Variants in RFT1 observed in about 807,000 individuals in gnomAD.
RFT1 encodes man(5)GlcNAc(2)-PP-dolichol translocation protein RFT1.
A neutral mutation model predicts 62.2 loss-of-function variants in RFT1; 43 were observed. That is an observed-to-expected ratio of 0.69 (90% CI 0.54 to 0.89). RFT1 has a LOEUF of 0.89. Ranked by LOEUF, RFT1 falls within the 40% of genes least tolerant of loss-of-function variation. RFT1 has a pLI of 0.00. For synonymous variants in RFT1, 262 were observed against 264.6 expected, an observed-to-expected ratio of 0.99 and a Z score of 0.10; for missense variants, 605 against 649.9, an observed-to-expected ratio of 0.93 and a Z score of 0.75.
intron 11 of RFT1, among the ~76,000 whole-genome samples, chr3:53,094,630 A>G (rs1021359881): frequency 7.2e-5 from 11 of 152,240 alleles, no homozygotes; most frequent in African/African-American, 2.4e-4. Context: ...AGCAGCAGAG[A>G]TATGTAACCT....
the RFT1 span, among the ~76,000 whole-genome samples, chr3:53,069,763 C>CAG: frequency 2.6e-5 from 4 of 152,204 alleles, no homozygotes; most frequent in African/African-American, 9.7e-5. Context: ...GAGAGCCTGG[C>CAG]AGAGACCTGC....
At chr3:53,077,966 T>G in the RFT1 span, 2 of 152,304 alleles carry the variant, frequency 1.3e-5, no homozygotes, top group Admixed American at 1.3e-4. Flanking sequence ...TCTGAACGGT[T>G]TGGCCCACTG....
intron 6 of RFT1, among the ~76,000 whole-genome samples, chr3:53,114,091 A>C (rs1394245962): frequency 6.6e-6 from 1 of 152,164 alleles, no homozygotes; most frequent in Non-Finnish European, 1.5e-5. Context: ...AGAGCACCAG[A>C]CAACTTCCTA....
At chr3:53,112,059 G>A (rs947490093) in intron 6 of RFT1, 151 bp from the exon 7 acceptor site, 2 of 710,668 alleles carry the variant, frequency 2.8e-6, no homozygotes, top group African/African-American at 3.5e-5. Flanking sequence ...CACACAGAAG[G>A]CATCTCACAA....
chr3:53,081,159 A>G, the RFT1 span, among the ~76,000 whole-genome samples: 4 of 152,340 alleles, frequency 2.6e-5, no homozygotes, highest in South Asian at 2.1e-4. Flanking sequence ...AACCAGCCCA[A>G]ATGAAGCCAA....
intron 1 of RFT1, among the ~76,000 whole-genome samples, chr3:53,128,095 C>T (rs1702162127): frequency 6.6e-6 from 1 of 151,940 alleles, no homozygotes; most frequent in South Asian, 2.1e-4. Flanking sequence ...GTCAGAAGTT[C>T]GAGACCAGCC....
intron 10 of RFT1, among the ~76,000 whole-genome samples, chr3:53,102,856 T>C (rs994629019): frequency 3.8e-4 from 58 of 152,200 alleles, no homozygotes; most frequent in Non-Finnish European, 4.4e-5. Flanking sequence ...GCCCCCTCCT[T>C]GAGGCAACGC....
intron 11 of RFT1, 78 bp downstream of exon 11, chr3:53,099,303 C>T (rs1701242334): frequency 2.6e-5 from 32 of 1,235,866 alleles, no homozygotes; most frequent in South Asian, 1.9e-4. Flanking sequence ...ATGTTCAGAA[C>T]GAAAAGCAAA....
At chr3:53,092,119 T>G in intron 12 of RFT1, 49 bp from the exon 13 acceptor site, 3 of 1,608,990 alleles carry the variant, frequency 1.9e-6, no homozygotes, top group Non-Finnish European at 2.5e-6. Flanking sequence ...CTATACCTCC[T>G]TCCTCTGGGA....
chr3:53,124,304 C>T (rs1030244332), intron 2 of RFT1, among the ~76,000 whole-genome samples: 6 of 152,336 alleles, frequency 3.9e-5, no homozygotes, highest in Admixed American at 3.3e-4. Flanking sequence ...ACAGAGGCTG[C>T]TGCAACCCAG....
chr3:53,125,444 C>G (rs548515068), intron 2 of RFT1, among the ~76,000 whole-genome samples: 57 of 152,306 alleles, frequency 3.7e-4, no homozygotes, highest in African/African-American at 1.3e-3. Flanking sequence ...GACTCAAGCT[C>G]GAATCCCAGT....
chr3:53,103,703 AAGG>A, intron 10 of RFT1: 1 of 507,546 alleles, frequency 2.0e-6, no homozygotes, highest in Admixed American at 3.2e-5. Context: ...AGCCAACAGC[AAGG>A]AGAAGTCCTA....
chr3:53,128,561 G>C (rs1702175485), intron 1 of RFT1, among the ~76,000 whole-genome samples: 1 of 152,156 alleles, frequency 6.6e-6, no homozygotes, highest in African/African-American at 2.4e-5. Context: ...TGCTCAGGCT[G>C]GAGTGCAGTG....
intron 6 of RFT1, among the ~76,000 whole-genome samples, chr3:53,118,767 T>C (rs1470997705): frequency 6.6e-6 from 1 of 152,102 alleles, no homozygotes; most frequent in Non-Finnish European, 1.5e-5. Context: ...GCAGCAGCAC[T>C]GACCCCAGAA....
intron 7 of RFT1, 71 bp downstream of exon 7, chr3:53,111,759 G>C (rs750689047): frequency 4.7e-6 from 6 of 1,280,396 alleles, no homozygotes; most frequent in Non-Finnish European, 6.8e-6. Context: ...TCTGGACCCA[G>C]GTAATTGGCA....
chr3:53,073,552 AG>A, the RFT1 span, among the ~76,000 whole-genome samples: 1 of 152,196 alleles, frequency 6.6e-6, no homozygotes, highest in African/African-American at 2.4e-5. Context: ...AGGGTCAGTG[AG>A]GGGTTCAGGA....
chr3:53,098,577 A>C (rs548396345), intron 11 of RFT1, among the ~76,000 whole-genome samples: 42 of 152,158 alleles, frequency 2.8e-4, no homozygotes, highest in South Asian at 1.7e-3. Context: ...CCAAGGCGGG[A>C]GAATCACAAG....
Position 53,130,387 on chromosome 3 carries a change from T to C in RFT1, c.14A>G (p.Glu5Gly). 1 of 1,557,276 alleles carries C rather than the reference T, an allele frequency of 6.4e-7. No homozygotes were observed. The highest frequency in any genetic ancestry group is 8.7e-7 in the Non-Finnish European group (1 of 1,150,796). Residue 5 changes from glutamate to glycine, a missense_variant, in exon 1 of 13, where the codon GAG becomes GGG. Physicochemically the swap from Glu to Gly is moderately conservative, Grantham distance 98. Transcript: ENST00000296292. MGSQ[E>G]VLGHAARLAS... ...CAGCCGGGCCGCGTGGCCCAGCACC[T>C]CCTGGCTGCCCATAGCCTCCGCGCC...
At chr3:53,086,355 AC>A (rs1418461890), downstream of RFT1, among the ~76,000 whole-genome samples, 1 of 151,966 alleles carries the variant, frequency 6.6e-6, no homozygotes, top group Non-Finnish European at 1.5e-5. Flanking sequence ...TCGCTCTGTC[AC>A]CCAGGCTGGA....
Sources: gnomAD v4.1 joint callset for allele counts (sites outside exome capture counted in the v4.1 genomes callset) on GRCh38, gnomAD v4.1.1 for gene constraint, MANE v1.5 for transcripts, NCBI Gene and HGNC (gene_info 2026-07-23, HGNC 2026-07-21) for gene names.